The following EPB41L4B variants were observed in gnomAD, a reference collection of about 807,000 sequenced individuals.
EPB41L4B encodes the protein band 4.1-like protein 4B.
A neutral mutation model predicts 112.5 loss-of-function variants in EPB41L4B; 30 were observed. The ratio of observed to expected loss-of-function variants is 0.27; its 90% CI spans 0.20 to 0.36. The LOEUF (loss-of-function observed/expected upper bound fraction) is 0.36, where lower values mean the gene tolerates loss of function less well. EPB41L4B is among the 10% of genes least tolerant of loss of function. The pLI, the probability that EPB41L4B is intolerant of heterozygous loss-of-function variation, is 1.00. For missense variants in EPB41L4B, 1,024 were observed against 1,133.3 expected, an observed-to-expected ratio of 0.90 and a Z score of 1.38; for synonymous variants, 408 against 439.7, an observed-to-expected ratio of 0.93 and a Z score of 0.90.
At chr9:109,212,984 A>C (rs946377643) in intron 17 of EPB41L4B, among the ~76,000 whole-genome samples, 10 of 152,208 alleles carry the variant, frequency 6.6e-5, no homozygotes, top group African/African-American at 2.2e-4. Flanking sequence ...AGCATGTTGG[A>C]GTGCCAAGGA....
At chr9:109,254,893 C>T (rs1453956415) in intron 11 of EPB41L4B, among the ~76,000 whole-genome samples, 1 of 152,200 alleles carries the variant, frequency 6.6e-6, no homozygotes. Context: ...AATTTCTGGA[C>T]ATTGGCATGC....
chr9:109,284,592 T>C (rs180737014), intron 1 of EPB41L4B, among the ~76,000 whole-genome samples: 1 of 152,236 alleles, frequency 6.6e-6, no homozygotes, highest in East Asian at 1.9e-4. Context: ...TTAAAATATT[T>C]TGTAGAGGCG....
chr9:109,178,662 G>A (rs13298287), intron 24 of EPB41L4B, among the ~76,000 whole-genome samples: 3 of 151,886 alleles, frequency 2.0e-5, no homozygotes, highest in Non-Finnish European at 4.4e-5. Flanking sequence ...GGCTGGTCTC[G>A]AACTCCTGAT....
chr9:109,297,555 C>T (rs1836780687), intron 1 of EPB41L4B, among the ~76,000 whole-genome samples: 1 of 152,252 alleles, frequency 6.6e-6, no homozygotes, highest in South Asian at 2.1e-4. Flanking sequence ...GCAGATGCGT[C>T]ATGTGGCACA....
intron 5 of EPB41L4B, among the ~76,000 whole-genome samples, chr9:109,264,369 G>C (rs796378266): frequency 6.5e-4 from 99 of 152,276 alleles, no homozygotes; most frequent in African/African-American, 2.4e-3. Context: ...TACAGATGCT[G>C]AAAAATGACA....
At chr9:109,214,033 C>T (rs534319180) in intron 16 of EPB41L4B, among the ~76,000 whole-genome samples, 11 of 152,230 alleles carry the variant, frequency 7.2e-5, no homozygotes, top group African/African-American at 1.7e-4. Context: ...ATGAGCTGGA[C>T]GCCCCTGGGT....
intron 23 of EPB41L4B, among the ~76,000 whole-genome samples, chr9:109,183,773 A>C (rs889666277): frequency 1.3e-5 from 2 of 152,222 alleles, no homozygotes; most frequent in African/African-American, 4.8e-5. Context: ...CAGGGGCAGC[A>C]GGCTTTGTGT....
At chr9:109,187,668 C>T (rs1435359053) in intron 22 of EPB41L4B, among the ~76,000 whole-genome samples, 1 of 152,160 alleles carries the variant, frequency 6.6e-6, no homozygotes, top group Non-Finnish European at 1.5e-5. Context: ...GCCACTGGGT[C>T]TTTTCTTCTC....
At chr9:109,209,704 T>G (rs905627460) in intron 17 of EPB41L4B, among the ~76,000 whole-genome samples, 17 of 151,852 alleles carry the variant, frequency 1.1e-4, no homozygotes, top group African/African-American at 4.1e-4. Context: ...GGCTAACATA[T>G]ACTGAGAGCT....
At chr9:109,188,692 T>C (rs1832352166) in intron 22 of EPB41L4B, among the ~76,000 whole-genome samples, 1 of 152,160 alleles carries the variant, frequency 6.6e-6, no homozygotes, top group Admixed American at 6.5e-5. Context: ...TTCTAACACC[T>C]AACCCAGGGC....
intron 5 of EPB41L4B, among the ~76,000 whole-genome samples, chr9:109,264,083 C>T (rs1283346832): frequency 6.6e-6 from 1 of 152,020 alleles, no homozygotes; most frequent in African/African-American, 2.4e-5. Flanking sequence ...AAAAAGTACA[C>T]ACACTCATAA....
chr9:109,256,249 G>A (rs773525000), intron 8 of EPB41L4B, 25 bp from the exon 9 acceptor site: 22 of 1,607,056 alleles, frequency 1.4e-5, no homozygotes, highest in East Asian at 4.5e-5. Flanking sequence ...AGTGACAATC[G>A]GTAGAGGGTT....
In EPB41L4B at chr9:109,194,222, T is replaced by G; in HGVS notation, c.2221A>C (p.Lys741Gln). 1 of 1,614,008 alleles carries G rather than the reference T, an allele frequency of 6.2e-7. No individual in the cohort carries two copies. Among genetic ancestry groups the G allele is most frequent in the South Asian group, 1.1e-5 (1 of 91,056 alleles). ...EGKGLLSPGAKSPSDRGGAFT... is the reference protein window; with the variant it reads ...EGKGLLSPGAQSPSDRGGAFT... The stretch of plus-strand genomic sequence containing the variant: ...CAGGGCTTTCCACCCCCCAATACCT[T>G]GGCCCCAGGGGACAGCAGGCCTTTG... The change falls in exon 21 of 26, where the codon AAG becomes CAG. Residue 741 changes from lysine to glutamine, a missense_variant and splice_region_variant. Coordinates refer to ENST00000374566, the MANE Select transcript of EPB41L4B (RefSeq NM_019114.5).
chr9:109,285,472 A>G (rs763584279), intron 1 of EPB41L4B, among the ~76,000 whole-genome samples: 9 of 152,114 alleles, frequency 5.9e-5, no homozygotes, highest in Non-Finnish European at 8.8e-5. Context: ...TTTTTTAAAT[A>G]TATCTGTAAC....
intron 2 of EPB41L4B, among the ~76,000 whole-genome samples, chr9:109,269,004 T>C (rs928106105): frequency 2.0e-5 from 3 of 151,450 alleles, no homozygotes; most frequent in Non-Finnish European, 4.4e-5. Flanking sequence ...TGAAAGAACA[T>C]AAAACCCCTT....
chr9:109,300,352 C>T lies in EPB41L4B; in HGVS notation c.306+19789G>A, dbSNP rs143168590. The stretch of plus-strand genomic sequence containing the variant: ...GGAGTTTGAGGGAGACTCAATTAAA[C>T]GCAGCTCCAAAAAATTTTAGCGTAT... On this transcript the variant is annotated intron_variant, in intron 1 of 25. Coordinates refer to ENST00000374566, the MANE Select transcript of EPB41L4B (RefSeq NM_019114.5). 7 of 152,224 alleles carry T rather than the reference C, an allele frequency of 4.6e-5. No individual in the cohort carries two copies. The East Asian group carries it at 1.2e-3, about 25-fold the overall frequency. 9.4% of individuals were successfully genotyped at this position (152,224 alleles called of 1,614,324 possible).
intron 20 of EPB41L4B, among the ~76,000 whole-genome samples, chr9:109,196,534 A>G (rs370863796): frequency 6.6e-6 from 1 of 152,044 alleles, no homozygotes; most frequent in Non-Finnish European, 1.5e-5. Flanking sequence ...CCTGGGCAAC[A>G]TGGTCTGGTC....
chr9:109,252,957 G>A (rs951751147), intron 12 of EPB41L4B, among the ~76,000 whole-genome samples: 1 of 152,154 alleles, frequency 6.6e-6, no homozygotes, highest in African/African-American at 2.4e-5. Context: ...GCATTCTAGG[G>A]CCTGGCTAAA....
chr9:109,227,657 C>T (rs1167775356), intron 15 of EPB41L4B, among the ~76,000 whole-genome samples: 1 of 152,098 alleles, frequency 6.6e-6, no homozygotes, highest in East Asian at 1.9e-4. Context: ...TCTCGGCTCA[C>T]TGCAACCTCC....
Sources: gnomAD v4.1 joint callset for allele counts (sites outside exome capture counted in the v4.1 genomes callset) on GRCh38, gnomAD v4.1.1 for gene constraint, MANE v1.5 for transcripts, NCBI Gene and HGNC (gene_info 2026-07-23, HGNC 2026-07-21) for gene names.